RASA2: variants seen among roughly 807,000 people sequenced by gnomAD.
RASA2 encodes ras GTPase-activating protein 2.
In RASA2, 155 loss-of-function variants were observed where a neutral mutation model predicts 118.2. That is an observed-to-expected ratio of 1.31 (90% confidence interval 1.15 to 1.50). The LOEUF (loss-of-function observed/expected upper bound fraction) is 1.50, where lower values mean the gene tolerates loss of function less well. Ranked by LOEUF, RASA2 falls within the 40% of genes most tolerant of loss-of-function variation. The pLI is 0.00. For missense variants in RASA2, 1,016 were observed against 1,009.6 expected (o/e 1.01, Z -0.09); for synonymous variants, 353 against 349.1 (o/e 1.01, Z -0.12).
At chr3:141,583,260 C>A (rs1403797739) in intron 17 of RASA2, among the ~76,000 whole-genome samples, 1 of 151,876 alleles carries the variant, frequency 6.6e-6, no homozygotes, top group East Asian at 1.9e-4. Context: ...CCTGTTTCTA[C>A]TAAAAATACA....
In RASA2 at chr3:141,570,849, T is replaced by C; in HGVS notation, c.864-63T>C. On this transcript the variant is annotated intron_variant, in intron 9 of 23. Coordinates refer to ENST00000286364, the MANE Select transcript of RASA2 (RefSeq NM_006506.5). ...TTTAGTTTTTTTATAACTTAACTCTTAACTTGCCTCATTGGCTTGAATGCA... is the reference window on the plus strand; with the variant it reads ...TTTAGTTTTTTTATAACTTAACTCTCAACTTGCCTCATTGGCTTGAATGCA... The C allele has an allele frequency of 1.1e-5, 17 of 1,484,440 alleles. 1 individual carries two copies. In the South Asian group the frequency reaches 1.9e-4, roughly 16 times the overall value. 92.0% of individuals were successfully genotyped at this position (1,484,440 alleles called of 1,614,324 possible).
At chr3:141,584,185 G>A (rs1450042476) in intron 17 of RASA2, among the ~76,000 whole-genome samples, 2 of 151,878 alleles carry the variant, frequency 1.3e-5, no homozygotes, top group South Asian at 2.1e-4. Context: ...ACAAAAATTA[G>A]CCGGGCATGG....
At chr3:141,513,065 G>GAA (rs771710205) in intron 2 of RASA2, among the ~76,000 whole-genome samples, 10 of 110,616 alleles carry the variant, frequency 9.0e-5, no homozygotes, top group East Asian at 3.1e-4. Flanking sequence ...CTCCATCTCA[G>GAA]AAAAAAAAAA....
At chr3:141,523,758 C>T (rs1046117388) in intron 3 of RASA2, among the ~76,000 whole-genome samples, 1 of 152,164 alleles carries the variant, frequency 6.6e-6, no homozygotes, top group Non-Finnish European at 1.5e-5. Flanking sequence ...CTCACTCCAC[C>T]TTGGTTCAGA....
intron 4 of RASA2, 71 bp from the exon 5 acceptor site, chr3:141,540,462 A>T: frequency 4.7e-6 from 6 of 1,279,522 alleles, no homozygotes; most frequent in Non-Finnish European, 6.7e-6. Context: ...TGGTGATTTG[A>T]AAAGGCACAT....
intron 2 of RASA2, among the ~76,000 whole-genome samples, chr3:141,515,941 A>G (rs2082017076): frequency 6.6e-6 from 1 of 150,404 alleles, no homozygotes; most frequent in South Asian, 2.1e-4. Flanking sequence ...TCAGCAAACT[A>G]TCGCAAAGAC....
At chr3:141,498,909 T>G (rs2081739894) in intron 1 of RASA2, among the ~76,000 whole-genome samples, 1 of 152,168 alleles carries the variant, frequency 6.6e-6, no homozygotes, top group Non-Finnish European at 1.5e-5. Context: ...CAGAGTTTGG[T>G]TTGCCACTTG....
chr3:141,534,079 G>T (rs917452566), intron 4 of RASA2, among the ~76,000 whole-genome samples: 1 of 152,124 alleles, frequency 6.6e-6, no homozygotes, highest in African/African-American at 2.4e-5. Flanking sequence ...CCACATATGT[G>T]AAGTTAATAT....
chr3:141,489,787 T>C (rs905537527), intron 1 of RASA2, among the ~76,000 whole-genome samples: 1 of 152,188 alleles, frequency 6.6e-6, no homozygotes, highest in Non-Finnish European at 1.5e-5. Context: ...CCTGTAATTA[T>C]TTCCCCTTAT....
At chr3:141,503,262 G>A (rs750833258) in intron 1 of RASA2, among the ~76,000 whole-genome samples, 15 of 152,008 alleles carry the variant, frequency 9.9e-5, no homozygotes, top group Non-Finnish European at 1.6e-4. Context: ...CATCCACATA[G>A]GCACATAGGT....
intron 4 of RASA2, among the ~76,000 whole-genome samples, chr3:141,536,348 C>T (rs2082325085): frequency 6.6e-6 from 1 of 152,118 alleles, no homozygotes; most frequent in Non-Finnish European, 1.5e-5. Flanking sequence ...AAGACTGGCC[C>T]CCATGATTCA....
At chr3:141,609,359 C>T in intron 21 of RASA2, 61 bp from the exon 22 acceptor site, 1 of 1,056,134 alleles carries the variant, frequency 9.5e-7, no homozygotes, top group Non-Finnish European at 1.3e-6. Context: ...CATCAGAAGT[C>T]CTTGGCATGT....
Position 141,615,107 on chromosome 3 carries a change from T to C in RASA2, c.*2794T>C, listed in dbSNP as rs2083709272. ...AAATTACCAATCTTGGTTGATATTA[T>C]CTGCTTCCATTTTTATTAATTTGGA... is the stretch of plus-strand genomic sequence containing the variant. On this transcript the variant is annotated 3_prime_UTR_variant, in exon 24 of 24. Coordinates refer to ENST00000286364, the MANE Select transcript of RASA2 (RefSeq NM_006506.5). 1 of 152,248 alleles carries C rather than the reference T, an allele frequency of 6.6e-6. No homozygotes were observed. The highest frequency in any genetic ancestry group is 6.5e-5 in the Admixed American group (1 of 15,282). The allele number at this position is 152,248 out of a possible 1,614,324, so 9.4% of individuals were successfully genotyped here. A position where few individuals can be genotyped will look rare whatever the true frequency, so the allele number is the denominator to read the frequency against.
At chr3:141,490,718 A>T (rs150400174) in intron 1 of RASA2, among the ~76,000 whole-genome samples, 1 of 152,322 alleles carries the variant, frequency 6.6e-6, no homozygotes, top group East Asian at 1.9e-4. Context: ...TCTATAGGGT[A>T]TGGTTAAGTG....
At chr3:141,514,507 A>G (rs962337811) in intron 2 of RASA2, among the ~76,000 whole-genome samples, 6 of 152,124 alleles carry the variant, frequency 3.9e-5, no homozygotes, top group Non-Finnish European at 8.8e-5. Flanking sequence ...AGGTGTATAC[A>G]TTTATCATGT....
At chr3:141,518,407 C>T (rs908381573) in intron 3 of RASA2, among the ~76,000 whole-genome samples, 6 of 135,020 alleles carry the variant, frequency 4.4e-5, no homozygotes, top group African/African-American at 1.1e-4. Flanking sequence ...CGCTTGAATC[C>T]GGGAGGCAGA....
At chr3:141,602,441 A>G (rs1577822713) in intron 19 of RASA2, among the ~76,000 whole-genome samples, 1 of 152,314 alleles carries the variant, frequency 6.6e-6, no homozygotes, top group Admixed American at 6.5e-5. Flanking sequence ...AGGAGGCAGA[A>G]CTCAGGTAGT....
intron 19 of RASA2, among the ~76,000 whole-genome samples, chr3:141,599,184 A>C (rs1421512214): frequency 6.6e-6 from 1 of 152,042 alleles, no homozygotes; most frequent in Non-Finnish European, 1.5e-5. Flanking sequence ...AGAAAGTCTA[A>C]ATAAAAAGAG....
chr3:141,551,687 G>A (rs1293837366), intron 5 of RASA2, among the ~76,000 whole-genome samples: 1 of 152,016 alleles, frequency 6.6e-6, no homozygotes, highest in East Asian at 1.9e-4. Flanking sequence ...CGTTTTGGGT[G>A]GAGAGTAAAT....
Sources: allele counts gnomAD v4.1 joint callset (sites outside exome capture counted in the v4.1 genomes callset), GRCh38; gene constraint gnomAD v4.1.1; transcripts MANE v1.5; gene names NCBI Gene and HGNC (gene_info 2026-07-23, HGNC 2026-07-21).